Variants in GAS1 observed in about 807,000 individuals in gnomAD.
GAS1 encodes the protein growth arrest specific 1.
A neutral mutation model predicts 21.6 loss-of-function variants in GAS1; 10 were observed. The observed-to-expected ratio is 0.46, with a 90% CI of 0.29 to 0.79. GAS1 has a LOEUF of 0.79. Ranked by LOEUF, GAS1 falls within the 30% of genes least tolerant of loss-of-function variation. The probability of loss-of-function intolerance (pLI) is 0.10; values close to 1 mark genes in which losing one functional copy is unlikely to be tolerated. For missense variants in GAS1, 567 were observed against 544.3 expected (o/e 1.04, Z -0.42); for synonymous variants, 332 against 264.0 (o/e 1.26, Z -2.50).
chr9:86,945,531 G>C lies in GAS1; in HGVS notation c.*211C>G, dbSNP rs547769424. 1.4e-5 allele frequency: 6 copies of C among 424,724 alleles called. No homozygotes were observed. The highest frequency in any genetic ancestry group is 1.0e-4 in the African/African-American group (5 of 47,842). The allele number at this position is 424,724 out of a possible 1,614,324, so 26.3% of individuals were successfully genotyped here. ...AATTGGGGCGGGGGAGGAGGTCCAA[G>C]AAGTCAAGCTCCGGAGAGGAGCTTC... is the stretch of plus-strand genomic sequence containing the variant. On this transcript the variant is annotated 3_prime_UTR_variant, in exon 1 of 1. Coordinates refer to ENST00000298743, the MANE Select transcript of GAS1 (RefSeq NM_002048.3).
At position 86,946,488 on chromosome 9, in the gene GAS1, AGGCGGCCGAGGCCGGGAAAGC is replaced by A; in HGVS notation, c.271_291del (p.Ala91_Ala97del). Reference sequence around the variant, plus strand: ...GGGCAGCGCCAGCGCGACGAGAAAGAGGCGGCCGAGGCCGGGAAAGCGGCGGCGGCGGCCCCGGGCGCGTCG... The same window carrying A: ...GGGCAGCGCCAGCGCGACGAGAAAGAGGCGGCGGCGGCCCCGGGCGCGTCG... On this transcript the variant is annotated inframe_deletion, in exon 1 of 1. Coordinates refer to ENST00000298743, the MANE Select transcript of GAS1 (RefSeq NM_002048.3). This position sits in a 1 kb window ranked among gnomAD's most constrained non-coding sequence, Gnocchi z 5.2. The A allele has an allele frequency of 6.9e-7, 1 of 1,447,052 alleles. No homozygotes were observed. The highest frequency in any genetic ancestry group is 9.1e-7 in the Non-Finnish European group (1 of 1,101,528). The allele number at this position is 1,447,052 out of a possible 1,614,324, so 89.6% of individuals were successfully genotyped here. A position where few individuals can be genotyped will look rare whatever the true frequency, so the allele number is the denominator to read the frequency against.
Position 86,945,842 on chromosome 9 carries a change from G to C in GAS1, c.938C>G (p.Pro313Arg). Residue 313 changes from proline to arginine, a missense_variant, in exon 1 of 1, where the codon CCT becomes CGT. Pro to Arg is a moderately radical substitution (Grantham distance 103). Coordinates refer to ENST00000298743, the MANE Select transcript of GAS1 (RefSeq NM_002048.3). ...SGGRGDLPYGPGRRSSGGGGR... is the reference protein window; with the variant it reads ...SGGRGDLPYGRGRRSSGGGGR... ...GCCGCCGCCGCTGCTCCTGCGCCCAGGCCCATAGGGCAGGTCCCCGCGGCC... is the reference window on the plus strand; with the variant it reads ...GCCGCCGCCGCTGCTCCTGCGCCCACGCCCATAGGGCAGGTCCCCGCGGCC... 1 of 1,501,694 alleles carries C rather than the reference G, an allele frequency of 6.7e-7. No individual in the cohort carries two copies. 93.0% of individuals were successfully genotyped at this position (1,501,694 alleles called of 1,614,324 possible).
rs750542611 is a variant in GAS1 at position 86,945,921 on chromosome 9, C to T, written c.859G>A (p.Asp287Asn). The change falls in exon 1 of 1, where the codon GAC becomes AAC. Residue 287 changes from aspartate (D) to asparagine (N), a missense_variant. Coordinates refer to ENST00000298743, the MANE Select transcript of GAS1 (RefSeq NM_002048.3). Reference protein sequence around the residue: ...GAGGEQPLDDDDGVPHPPRPG... With the variant: ...GAGGEQPLDDNDGVPHPPRPG... ...CGCGGTGGGTGCGGGACGCCGTCGT[C>T]GTCGTCCAGCGGCTGCTCACCACCC... 3.8e-6 allele frequency: 6 copies of T among 1,572,572 alleles called. No individual in the cohort carries two copies. In the South Asian group the frequency reaches 7.0e-5, roughly 18 times the overall value.
rs1156483505 is a variant in GAS1, at chr9:86,946,600, C to T, written c.180G>A (p.Glu60=). The T allele has an allele frequency of 1.4e-5, 20 of 1,449,606 alleles. No individual in the cohort carries two copies. Among genetic ancestry groups the T allele is most frequent in the Non-Finnish European group, 1.7e-5 (19 of 1,103,832 alleles). 89.8% of individuals were successfully genotyped at this position (1,449,606 alleles called of 1,614,324 possible). The part of the protein sequence containing the change: ...QALLQCQGEP[E]CSYAYNQYAE... Reference sequence around the variant, plus strand: ...CGTACTGGTTGTAGGCGTAGCTGCACTCCGGCTCCCCCTGGCACTGCAGCA... The same window carrying T: ...CGTACTGGTTGTAGGCGTAGCTGCATTCCGGCTCCCCCTGGCACTGCAGCA... The change falls in exon 1 of 1, where the codon GAG becomes GAA. Residue 60 remains glutamate (E), a synonymous_variant. Transcript: ENST00000298743. The surrounding 1 kb of genome is among the most constrained non-coding windows in gnomAD (Gnocchi z 5.2).
Position 86,945,009 on chromosome 9 carries a change from C to G in GAS1, c.*733G>C, listed in dbSNP as rs1236352327. The G allele has an allele frequency of 2.0e-5, 3 of 152,284 alleles. No individual in the cohort carries two copies. In the East Asian group the frequency reaches 5.8e-4, roughly 29 times the overall value. 9.4% of individuals were successfully genotyped at this position (152,284 alleles called of 1,614,324 possible). ...GCATTGTTCAACACCATGGCAACCC[C>G]TTAGATCAGCATTTTTGGACCCTTA... On this transcript the variant is annotated 3_prime_UTR_variant, in exon 1 of 1. Coordinates refer to ENST00000298743, the MANE Select transcript of GAS1 (RefSeq NM_002048.3).
chr9:86,946,736 C>A lies in GAS1; in HGVS notation c.44G>T (p.Gly15Val), dbSNP rs1051215514. Residue 15 changes from glycine to valine, a missense_variant, in exon 1 of 1, where the codon GGG becomes GTG. By Grantham distance (109) the Gly-to-Val change is moderately radical. Coordinates refer to ENST00000298743, the MANE Select transcript of GAS1 (RefSeq NM_002048.3). The surrounding 1 kb of genome is among the most constrained non-coding windows in gnomAD (Gnocchi z 5.2). ...GCACAGCCAGGCGCCCGGCACTGTCCCCCCGCGGGCCTCGCCGCCGCCGCC... is the reference window on the plus strand; with the variant it reads ...GCACAGCCAGGCGCCCGGCACTGTCACCCCGCGGGCCTCGCCGCCGCCGCC... ...LLGGGGEARG[G>V]TVPGAWLCLM... 6 of 1,280,582 alleles carry A rather than the reference C, an allele frequency of 4.7e-6. No individual in the cohort carries two copies. Among genetic ancestry groups the A allele is most frequent in the Non-Finnish European group, 6.0e-6 (6 of 992,610 alleles). The allele number at this position is 1,280,582 out of a possible 1,614,324, so 79.3% of individuals were successfully genotyped here. A position where few individuals can be genotyped will look rare whatever the true frequency, so the allele number is the denominator to read the frequency against.
Position 86,944,967 on chromosome 9 carries a change from T to C in GAS1, c.*775A>G, listed in dbSNP as rs1588171028. On this transcript the variant is annotated 3_prime_UTR_variant, in exon 1 of 1. Coordinates refer to ENST00000298743, the MANE Select transcript of GAS1 (RefSeq NM_002048.3). ...CTTTCATACATGGCAGTGCAGAGCT[T>C]TTTTAAATAAAAAGTTGCATTGTTC... The C allele has an allele frequency of 6.6e-6, 1 of 152,142 alleles. No individual in the cohort carries two copies. Among genetic ancestry groups the C allele is most frequent in the East Asian group, 1.9e-4 (1 of 5,192 alleles). The allele number at this position is 152,142 out of a possible 1,614,324, so 9.4% of individuals were successfully genotyped here.
At position 86,945,787 on chromosome 9, in the gene GAS1, G is replaced by C. The variant is rs1462430843; in HGVS notation, c.993C>G (p.Thr331=). 3.6e-4 allele frequency: 552 copies of C among 1,524,156 alleles called. 7 individuals carry two copies. Among genetic ancestry groups the C allele is most frequent in the Non-Finnish European group, 2.7e-5 (31 of 1,136,838 alleles). 94.4% of individuals were successfully genotyped at this position (1,524,156 alleles called of 1,614,324 possible). A position where few individuals can be genotyped will look rare whatever the true frequency, so the allele number is the denominator to read the frequency against. The change falls in exon 1 of 1, where the codon ACC becomes ACG. Residue 331 remains threonine (T), a synonymous_variant. Transcript: ENST00000298743. ...GCAGCAGCAAGATGGAGGCGAGTGG[G>C]GTCCAGGCGCCCCGGGGCGCCAAGC... ...GGRLAPRGAW[T]PLASILLLLL...
chr9:86,946,727 G>C lies in GAS1; in HGVS notation c.53C>G (p.Pro18Arg). The C allele has an allele frequency of 7.5e-7, 1 of 1,330,156 alleles. No individual in the cohort carries two copies. The highest frequency in any genetic ancestry group is 1.5e-5 in the African/African-American group (1 of 65,208). The allele number at this position is 1,330,156 out of a possible 1,614,324, so 82.4% of individuals were successfully genotyped here. A position where few individuals can be genotyped will look rare whatever the true frequency, so the allele number is the denominator to read the frequency against. ...GGGEARGGTV[P>R]GAWLCLMALL... ...CGCCATCAGGCACAGCCAGGCGCCC[G>C]GCACTGTCCCCCCGCGGGCCTCGCC... is the stretch of plus-strand genomic sequence containing the variant. The change falls in exon 1 of 1, where the codon CCG becomes CGG. Residue 18 changes from proline (P) to arginine (R), a missense_variant. Physicochemically the swap from Pro to Arg is moderately radical, Grantham distance 103. Transcript: ENST00000298743. The surrounding 1 kb of genome is among the most constrained non-coding windows in gnomAD (Gnocchi z 5.2).
Position 86,945,982 on chromosome 9 carries a change from A to T in GAS1, c.798T>A (p.Asp266Glu). The change falls in exon 1 of 1, where the codon GAT (aspartate) becomes GAA (glutamate). Residue 266 changes from aspartate to glutamate, a missense_variant. Transcript: ENST00000298743. ...TGCGCTGCTCGTCATCGTAGTCCTC[A>T]TCGTAGTAGTCGTCCAGGCCCCCGT... Reference protein sequence around the residue: ...GSDGGLDDYYDEDYDDEQRTG... With the variant: ...GSDGGLDDYYEEDYDDEQRTG... The T allele has an allele frequency of 6.2e-7, 1 of 1,607,668 alleles. No homozygotes were observed. The highest frequency in any genetic ancestry group is 2.2e-5 in the East Asian group (1 of 44,726).
Position 86,946,281 on chromosome 9 carries a change from T to A in GAS1, c.499A>T (p.Thr167Ser). 1 of 1,531,866 alleles carries A rather than the reference T, an allele frequency of 6.5e-7. No individual in the cohort carries two copies. The highest frequency in any genetic ancestry group is 8.7e-7 in the Non-Finnish European group (1 of 1,145,246). The allele number at this position is 1,531,866 out of a possible 1,614,324, so 94.9% of individuals were successfully genotyped here. ...GPGAGGVMGC[T>S]EARRRCDRDS... is the part of the protein sequence containing the mutation. Reference sequence around the variant, plus strand: ...CGGTCGCAGCGCCGCCGGGCCTCGGTGCAGCCCATGACCCCGCCCGCGCCG... The same window carrying A: ...CGGTCGCAGCGCCGCCGGGCCTCGGAGCAGCCCATGACCCCGCCCGCGCCG... Residue 167 changes from threonine (T) to serine (S), a missense_variant, in exon 1 of 1, where the codon ACC (threonine) becomes TCC (serine). Physicochemically the swap from Thr to Ser is moderately conservative, Grantham distance 58. Transcript: ENST00000298743. The surrounding 1 kb of genome is among the most constrained non-coding windows in gnomAD (Gnocchi z 5.2).
In GAS1 at chr9:86,945,241, T is replaced by C. The variant is rs1226813793; in HGVS notation, c.*501A>G. The C allele has an allele frequency of 1.3e-5, 2 of 152,366 alleles. No individual in the cohort carries two copies. Among genetic ancestry groups the C allele is most frequent in the African/African-American group, 4.8e-5 (2 of 41,462 alleles). 9.4% of individuals were successfully genotyped at this position (152,366 alleles called of 1,614,324 possible). On this transcript the variant is annotated 3_prime_UTR_variant, in exon 1 of 1. Transcript: ENST00000298743. Reference sequence around the variant, plus strand: ...CTTTTCTGTTTACATAGGATTATAATATCCTCACTGGCCACAATCTGTAAA... The same window carrying C: ...CTTTTCTGTTTACATAGGATTATAACATCCTCACTGGCCACAATCTGTAAA...
Position 86,945,561 on chromosome 9 carries a change from G to A in GAS1, c.*181C>T. 2.1e-6 allele frequency: 1 copy of A among 483,654 alleles called. No individual in the cohort carries two copies. The highest frequency in any genetic ancestry group is 3.4e-6 in the Non-Finnish European group (1 of 296,248). 30.0% of individuals were successfully genotyped at this position (483,654 alleles called of 1,614,324 possible). On this transcript the variant is annotated 3_prime_UTR_variant, in exon 1 of 1. Transcript: ENST00000298743. ...CAAGCTCCGGAGAGGAGCTTCAGGG[G>A]AAGTGCCCAGAGTCGTGGCCGGGGA...
chr9:86,945,871 C>T lies in GAS1; in HGVS notation c.909G>A (p.Ser303=). The change falls in exon 1 of 1, where the codon TCG becomes TCA. Residue 303 remains serine, a synonymous_variant. Coordinates refer to ENST00000298743, the MANE Select transcript of GAS1 (RefSeq NM_002048.3). ...PPRPGSGAAA[S]GGRGDLPYGP... is the part of the protein sequence containing the mutation. The stretch of plus-strand genomic sequence containing the variant: ...CATAGGGCAGGTCCCCGCGGCCGCC[C>T]GATGCAGCAGCGCCGCTGCCCGGGC... 1 of 1,478,492 alleles carries T rather than the reference C, an allele frequency of 6.8e-7. No homozygotes were observed. The highest frequency in any genetic ancestry group is 8.9e-7 in the Non-Finnish European group (1 of 1,121,638). The allele number at this position is 1,478,492 out of a possible 1,614,324, so 91.6% of individuals were successfully genotyped here.
rs1359042760 is a variant in GAS1 at position 86,946,078 on chromosome 9, C to G, written c.702G>C (p.Ser234=). Reference sequence around the variant, plus strand: ...ACAGGCGGGCCATGTTCTCCTTGACCGACTCGCAGATGGGCCGCTCGAGGC... The same window carrying G: ...ACAGGCGGGCCATGTTCTCCTTGACGGACTCGCAGATGGGCCGCTCGAGGC... ...CDGLERPICE[S]VKENMARLCF... is the part of the protein sequence containing the mutation. Residue 234 remains serine, a synonymous_variant, in exon 1 of 1, where the codon TCG becomes TCC. Transcript: ENST00000298743. This position sits in a 1 kb window ranked among gnomAD's most constrained non-coding sequence, Gnocchi z 5.2. The G allele has an allele frequency of 6.2e-7, 1 of 1,607,712 alleles. No homozygotes were observed. Among genetic ancestry groups the G allele is most frequent in the East Asian group, 2.2e-5 (1 of 44,836 alleles).
chr9:86,945,904 G>A lies in GAS1; in HGVS notation c.876C>T (p.His292=), dbSNP rs1285643327. The A allele has an allele frequency of 6.5e-7, 1 of 1,547,956 alleles. No individual in the cohort carries two copies. The highest frequency in any genetic ancestry group is 8.7e-7 in the Non-Finnish European group (1 of 1,149,992). The change falls in exon 1 of 1, where the codon CAC becomes CAT. Residue 292 remains histidine (H), a synonymous_variant. Coordinates refer to ENST00000298743, the MANE Select transcript of GAS1 (RefSeq NM_002048.3). ...QPLDDDDGVP[H]PPRPGSGAAA... Reference sequence around the variant, plus strand: ...CAGCGCCGCTGCCCGGGCGCGGTGGGTGCGGGACGCCGTCGTCGTCGTCCA... The same window carrying A: ...CAGCGCCGCTGCCCGGGCGCGGTGGATGCGGGACGCCGTCGTCGTCGTCCA...
chr9:86,947,502 C>T lies in GAS1; in HGVS notation c.-723G>A, dbSNP rs543450664. 6.9e-3 allele frequency among the ~76,000 whole-genome samples: 1,054 copies of T among 152,292 alleles called. 16 individuals are homozygous for T. The highest frequency in any genetic ancestry group is 0.024 in the African/African-American group (990 of 41,584). ...GCCCGGGGAGCGGATCCGCTGAGCC[C>T]GGCTGCAGACTCGTTAGCAGCGAGG... On this transcript the variant is annotated 5_prime_UTR_variant, in exon 1 of 1. Transcript: ENST00000298743.
rs1241407400 is a variant in GAS1 at position 86,945,444 on chromosome 9, C to G, written c.*298G>C. On this transcript the variant is annotated 3_prime_UTR_variant, in exon 1 of 1. Coordinates refer to ENST00000298743, the MANE Select transcript of GAS1 (RefSeq NM_002048.3). The stretch of plus-strand genomic sequence containing the variant: ...CCCCACATGCTTGCTTCCTCCCGGA[C>G]GTCCTGAACACTGCAGCTAGCTTTC... The G allele has an allele frequency of 1.0e-5, 3 of 293,972 alleles. No individual in the cohort carries two copies. The highest frequency in any genetic ancestry group is 6.2e-5 in the East Asian group (1 of 16,116). The allele number at this position is 293,972 out of a possible 1,614,324, so 18.2% of individuals were successfully genotyped here. A position where few individuals can be genotyped will look rare whatever the true frequency, so the allele number is the denominator to read the frequency against.
Position 86,946,232 on chromosome 9 carries a change from A to T in GAS1, c.548T>A (p.Leu183Gln). 1 of 1,592,256 alleles carries T rather than the reference A, an allele frequency of 6.3e-7. No homozygotes were observed. ...GCCGCAGTAGGTCAGGTAGCGGCTC[A>T]GCGCCAGGTTGCAGCGGCTGTCGCG... ...CDRDSRCNLA[L>Q]SRYLTYCGKV... is the part of the protein sequence containing the mutation. The change falls in exon 1 of 1, where the codon CTG (leucine) becomes CAG (glutamine). Residue 183 changes from leucine to glutamine, a missense_variant. Transcript: ENST00000298743. The surrounding 1 kb of genome is among the most constrained non-coding windows in gnomAD (Gnocchi z 5.2).
Sources: allele counts gnomAD v4.1 joint callset (sites outside exome capture counted in the v4.1 genomes callset), GRCh38; gene constraint gnomAD v4.1.1; non-coding constraint Gnocchi (gnomAD v3.1); transcripts MANE v1.5; gene names NCBI Gene and HGNC (gene_info 2026-07-23, HGNC 2026-07-21).